The following GALK2 variants were observed in gnomAD, a reference collection of about 807,000 sequenced individuals.
GALK2 encodes galactokinase 2.
In GALK2, 36 loss-of-function variants were observed where a neutral mutation model predicts 52.4. The ratio of observed to expected loss-of-function variants is 0.69; its 90% CI spans 0.53 to 0.91. The LOEUF is 0.91. GALK2 is among the 40% of genes least tolerant of loss of function. The pLI is 0.00. For missense variants in GALK2, 579 were observed against 559.1 expected, an observed-to-expected ratio of 1.04 and a Z score of -0.36; for synonymous variants, 176 against 199.1, an observed-to-expected ratio of 0.88 and a Z score of 0.98.
At chr15:49,189,170 C>A (rs1440340367) in intron 1 of GALK2, among the ~76,000 whole-genome samples, 1 of 152,084 alleles carries the variant, frequency 6.6e-6, no homozygotes, top group Non-Finnish European at 1.5e-5. Context: ...TTACTGGGGC[C>A]TAGTGGAGGA....
intron 3 of GALK2, among the ~76,000 whole-genome samples, chr15:49,360,606 A>T (rs1268500704): frequency 6.6e-6 from 1 of 152,142 alleles, no homozygotes; most frequent in Non-Finnish European, 1.5e-5. Context: ...GCAGCTCTAA[A>T]TACATTTTAT....
intron 1 of GALK2, among the ~76,000 whole-genome samples, chr15:49,178,163 G>A (rs1371125246): frequency 2.2e-5 from 1 of 44,982 alleles, no homozygotes; most frequent in African/African-American, 9.8e-5. Flanking sequence ...GCAAGACTCT[G>A]TTTCAAAAAA....
intron 7 of GALK2, among the ~76,000 whole-genome samples, chr15:49,288,909 G>A (rs2033654196): frequency 6.6e-6 from 1 of 152,168 alleles, no homozygotes; most frequent in South Asian, 2.1e-4. Flanking sequence ...TGTGAGAGAA[G>A]CTCTGACTGG....
intron 3 of GALK2, among the ~76,000 whole-genome samples, chr15:49,366,865 T>C (rs971450705): frequency 2.6e-5 from 4 of 152,174 alleles, no homozygotes; most frequent in African/African-American, 9.7e-5. Flanking sequence ...CTAATTCCTT[T>C]GGGATTCATC....
chr15:49,231,157 T>A (rs1255303359), intron 3 of GALK2, among the ~76,000 whole-genome samples: 1 of 152,154 alleles, frequency 6.6e-6, no homozygotes, highest in East Asian at 1.9e-4. Flanking sequence ...CTCATGATTC[T>A]CTACAGGATA....
At chr15:49,167,573 G>A (rs952223355), upstream of GALK2, among the ~76,000 whole-genome samples, 5 of 152,144 alleles carry the variant, frequency 3.3e-5, no homozygotes, top group South Asian at 2.1e-4. Flanking sequence ...TGGCCAGGCC[G>A]TTCTCGAACT....
intron 3 of GALK2, among the ~76,000 whole-genome samples, chr15:49,357,703 A>G (rs928450095): frequency 9.9e-5 from 15 of 152,010 alleles, no homozygotes; most frequent in African/African-American, 3.1e-4. Context: ...ATTCCAATCA[A>G]TAGAAAAAGA....
chr15:49,332,223 C>T (rs558269952), downstream of GALK2, among the ~76,000 whole-genome samples: 1 of 152,312 alleles, frequency 6.6e-6, no homozygotes, highest in South Asian at 2.1e-4. Context: ...AGCAGTGGCA[C>T]ATCCTCTTCA....
chr15:49,155,833 GTC>G, exon 1 of GALK2: 1 of 782,628 alleles, frequency 1.3e-6, no homozygotes, highest in Non-Finnish European at 2.1e-6. Flanking sequence ...GGTGCTGCAG[GTC>G]TCAGCCGAAG....
chr15:49,237,462 GTTTT>G (rs762532092), intron 4 of GALK2, among the ~76,000 whole-genome samples: 2 of 151,440 alleles, frequency 1.3e-5, no homozygotes, highest in African/African-American at 4.9e-5. Flanking sequence ...TTTTGTTTTT[GTTTT>G]TTTGTTTTTG....
rs1293241653 is a variant in GALK2 at position 49,330,944 on chromosome 15, G to T, written c.*2785G>T. ...ACTCCAGCCTGGGAGACAGGTGACA[G>T]AGTGAGACCCTGTTTCAACAACAAC... On this transcript the variant is annotated 3_prime_UTR_variant, in exon 10 of 10. Coordinates refer to ENST00000560031, the MANE Select transcript of GALK2 (RefSeq NM_002044.4). The T allele has an allele frequency of 6.6e-6, 1 of 152,282 alleles. No homozygotes were observed. Among genetic ancestry groups the T allele is most frequent in the Admixed American group, 6.5e-5 (1 of 15,270 alleles). 9.4% of individuals were successfully genotyped at this position (152,282 alleles called of 1,614,324 possible).
chr15:49,322,594 C>G lies in GALK2; in HGVS notation c.1169+2789C>G, dbSNP rs770610583. On this transcript the variant is annotated intron_variant, in intron 9 of 9. Transcript: ENST00000560031. ...GCATTATGTCCTTCCCTCCTTCAAT[C>G]AATACATATTTTCACATGGGTATCT... Among the ~76,000 whole-genome samples the G allele has an allele frequency of 2.0e-5, 3 of 152,140 alleles. No individual in the cohort carries two copies. The East Asian group carries it at 5.8e-4, about 29-fold the overall frequency.
intron 2 of GALK2, among the ~76,000 whole-genome samples, chr15:49,214,028 G>A (rs2141367961): frequency 6.6e-6 from 1 of 152,176 alleles, no homozygotes; most frequent in East Asian, 1.9e-4. Context: ...GCTGAGGCAG[G>A]AGAATGGCAT....
intron 1 of GALK2, among the ~76,000 whole-genome samples, chr15:49,177,082 AT>A (rs2085520471): frequency 6.6e-6 from 1 of 151,818 alleles, no homozygotes; most frequent in Non-Finnish European, 1.5e-5. Flanking sequence ...ATGTTTGTCT[AT>A]TATTTCTAGT....
chr15:49,225,470 A>G (rs1327869386), intron 3 of GALK2: 2 of 304,652 alleles, frequency 6.6e-6, no homozygotes, highest in Non-Finnish European at 1.3e-5. Flanking sequence ...GGAGGGATCT[A>G]GGTTGCATGC....
rs1300772493 is a variant in GALK2 at position 49,329,622 on chromosome 15, CAG to C, written c.*1465_*1466del. ...ACTTCTGATGCATTTTCATTCTTAGCAGAAAGGTAAATGCTTGAGAAAGCTTG... is the reference window on the plus strand; with the variant it reads ...ACTTCTGATGCATTTTCATTCTTAGCAAAGGTAAATGCTTGAGAAAGCTTG... On this transcript the variant is annotated 3_prime_UTR_variant, in exon 10 of 10. Transcript: ENST00000560031. 4.1e-6 allele frequency: 4 copies of C among 984,582 alleles called. No homozygotes were observed. The African/African-American group carries it at 7.0e-5, about 17-fold the overall frequency. The allele number at this position is 984,582 out of a possible 1,614,324, so 61.0% of individuals were successfully genotyped here. A position where few individuals can be genotyped will look rare whatever the true frequency, so the allele number is the denominator to read the frequency against.
intron 1 of GALK2, among the ~76,000 whole-genome samples, chr15:49,196,682 T>G (rs1051803780): frequency 5.9e-5 from 9 of 152,230 alleles, no homozygotes; most frequent in African/African-American, 2.2e-4. Context: ...ATTGATCTAC[T>G]AAGGTGTCTT....
downstream of GALK2, among the ~76,000 whole-genome samples, chr15:49,334,481 A>T (rs551618869): frequency 9.4e-4 from 143 of 152,256 alleles, 5 homozygotes; most frequent in South Asian, 0.028. Context: ...ACATATGCCA[A>T]AGGTATCACC....
chr15:49,328,455 A>C lies in GALK2; in HGVS notation c.*296A>C, dbSNP rs961739264. On this transcript the variant is annotated 3_prime_UTR_variant, in exon 10 of 10. Transcript: ENST00000560031. ...ATTTTAAAGATGAATGGTAAAACAC[A>C]CTCTTAATACTGATTACATGGATTG... is the stretch of plus-strand genomic sequence containing the variant. 97 of 1,466,954 alleles carry C rather than the reference A, an allele frequency of 6.6e-5. 1 individual carries two copies. The highest frequency in any genetic ancestry group is 4.9e-4 in the Admixed American group (19 of 38,892). The allele number at this position is 1,466,954 out of a possible 1,614,324, so 90.9% of individuals were successfully genotyped here. A position where few individuals can be genotyped will look rare whatever the true frequency, so the allele number is the denominator to read the frequency against.
Sources: allele counts gnomAD v4.1 joint callset (sites outside exome capture counted in the v4.1 genomes callset), GRCh38; gene constraint gnomAD v4.1.1; transcripts MANE v1.5; gene names NCBI Gene and HGNC (gene_info 2026-07-23, HGNC 2026-07-21).